Variants in ERICH3 observed in about 807,000 individuals in gnomAD.
ERICH3 encodes the protein glutamate rich 3.
ERICH3 carries 126 observed loss-of-function variants against 131.1 expected under a neutral mutation model. The ratio of observed to expected loss-of-function variants is 0.96; its 90% CI spans 0.83 to 1.11. ERICH3 has a LOEUF of 1.11. ERICH3 is among the 50% of genes most tolerant of loss of function. The pLI is 0.00. For missense variants in ERICH3, 2,050 were observed against 1,810.7 expected (o/e 1.13, Z -2.40); for synonymous variants, 695 against 644.6 (o/e 1.08, Z -1.18).
chr1:74,594,376 C>T (rs1647750736), intron 11 of ERICH3, among the ~76,000 whole-genome samples: 1 of 151,652 alleles, frequency 6.6e-6, no homozygotes, highest in Non-Finnish European at 1.5e-5. Context: ...TGACCAAGGG[C>T]ACCAGCCACA....
chr1:74,609,005 AAGTG>A (rs1405017193), intron 9 of ERICH3, among the ~76,000 whole-genome samples: 1 of 152,030 alleles, frequency 6.6e-6, no homozygotes, highest in Non-Finnish European at 1.5e-5. Context: ...TGGACAAACA[AAGTG>A]AGTAACATCT....
chr1:74,613,010 T>G (rs1236743666), intron 8 of ERICH3, among the ~76,000 whole-genome samples: 1 of 151,954 alleles, frequency 6.6e-6, no homozygotes, highest in Non-Finnish European at 1.5e-5. Flanking sequence ...CAATAACTGA[T>G]GAGCTAAAAA....
chr1:74,650,833 AC>A (rs1257665863), intron 1 of ERICH3, among the ~76,000 whole-genome samples: 2 of 105,740 alleles, frequency 1.9e-5, no homozygotes, highest in African/African-American at 4.5e-5. Flanking sequence ...AGAGGGGACT[AC>A]TGTGTGTGTG....
chr1:74,634,937 T>G, intron 6 of ERICH3: 1 of 386,366 alleles, frequency 2.6e-6, no homozygotes. Flanking sequence ...AACTTTCTCA[T>G]TGTGATTTGG....
intron 12 of ERICH3, chr1:74,586,281 C>T (rs770926998): frequency 1.6e-6 from 1 of 621,954 alleles, no homozygotes; most frequent in Non-Finnish European, 2.0e-6. Context: ...AGTCTCAGAA[C>T]AAAATGTATA....
chr1:74,648,425 A>C (rs1004457508), intron 2 of ERICH3, among the ~76,000 whole-genome samples: 1 of 152,160 alleles, frequency 6.6e-6, no homozygotes, highest in Non-Finnish European at 1.5e-5. Context: ...TCAAGATTCT[A>C]TGGCTTATAA....
intron 12 of ERICH3, among the ~76,000 whole-genome samples, chr1:74,587,370 C>T (rs971543608): frequency 6.6e-6 from 1 of 150,956 alleles, no homozygotes; most frequent in Non-Finnish European, 1.5e-5. Context: ...GATAAACAGT[C>T]CCAAACCTTG....
chr1:74,612,593 C>T (rs372387836), intron 9 of ERICH3, 30 bp downstream of exon 9: 3 of 1,493,830 alleles, frequency 2.0e-6, no homozygotes, highest in Non-Finnish European at 2.7e-6. Context: ...GCAAAACTTG[C>T]CCTCTACCAA....
chr1:74,569,227 T>G lies in ERICH3; in HGVS notation c.*1231A>C, dbSNP rs997081264. On this transcript the variant is annotated 3_prime_UTR_variant, in exon 15 of 15. Coordinates refer to ENST00000326665, the MANE Select transcript of ERICH3 (RefSeq NM_001002912.5). ...ATGTGTAGATCCATCTAAAACGAATTAAGTCTGAATCTCTGGGGTGGGGAA... is the reference window on the plus strand; with the variant it reads ...ATGTGTAGATCCATCTAAAACGAATGAAGTCTGAATCTCTGGGGTGGGGAA... 1 of 114,216 alleles carries G rather than the reference T, an allele frequency of 8.8e-6. No individual in the cohort carries two copies. Among genetic ancestry groups the G allele is most frequent in the African/African-American group, 3.4e-5 (1 of 29,674 alleles). 7.1% of individuals were successfully genotyped at this position (114,216 alleles called of 1,614,324 possible). A position where few individuals can be genotyped will look rare whatever the true frequency, so the allele number is the denominator to read the frequency against.
intron 6 of ERICH3, among the ~76,000 whole-genome samples, chr1:74,633,091 AT>A (rs1417953866): frequency 5.3e-5 from 8 of 151,706 alleles, no homozygotes; most frequent in African/African-American, 1.9e-4. Flanking sequence ...TAAATTTCTA[AT>A]TAATTTTTGA....
At position 74,590,012 on chromosome 1, in the gene ERICH3, C is replaced by A. The variant is rs747052542; in HGVS notation, c.1795G>T (p.Ala599Ser). ...GTGTGGGCTTCCCTGTCCCCCACTG[C>A]AGATTCATCCTCACTGTCACTAGAA... ...PYSSDSEDES[A>S]VGDREAHTDS... Residue 599 changes from alanine to serine, a missense_variant, in exon 12 of 15, where the codon GCA becomes TCA. By Grantham distance (99) the Ala-to-Ser change is moderately conservative. Coordinates refer to ENST00000326665, the MANE Select transcript of ERICH3 (RefSeq NM_001002912.5). 6.2e-7 allele frequency: 1 copy of A among 1,613,848 alleles called. No individual in the cohort carries two copies. Among genetic ancestry groups the A allele is most frequent in the South Asian group, 1.1e-5 (1 of 91,076 alleles).
intron 1 of ERICH3, among the ~76,000 whole-genome samples, chr1:74,665,918 G>T (rs1646687754): frequency 6.6e-6 from 1 of 152,086 alleles, no homozygotes; most frequent in Admixed American, 6.6e-5. Flanking sequence ...AACCAGAAAG[G>T]TGACCAACCT....
rs542634174 is a variant in ERICH3, at chr1:74,569,568, G to A, written c.*890C>T. 1 of 152,258 alleles carries A rather than the reference G, an allele frequency of 6.6e-6. No individual in the cohort carries two copies. Among genetic ancestry groups the A allele is most frequent in the African/African-American group, 2.4e-5 (1 of 41,542 alleles). The allele number at this position is 152,258 out of a possible 1,614,324, so 9.4% of individuals were successfully genotyped here. On this transcript the variant is annotated 3_prime_UTR_variant, in exon 15 of 15. Transcript: ENST00000326665. Reference sequence around the variant, plus strand: ...TGAGCAGCACACTCATTTAATCCAAGTTTCTTTTCCATTTAATGACATCAA... The same window carrying A: ...TGAGCAGCACACTCATTTAATCCAAATTTCTTTTCCATTTAATGACATCAA...
chr1:74,654,607 G>C (rs965096978), intron 1 of ERICH3, among the ~76,000 whole-genome samples: 3 of 152,076 alleles, frequency 2.0e-5, no homozygotes, highest in Non-Finnish European at 4.4e-5. Flanking sequence ...AACAGAGAGA[G>C]AAGCAAGCTC....
At position 74,627,846 on chromosome 1, in the gene ERICH3, A is replaced by G. The variant is rs555888040; in HGVS notation, c.819+3867T>C. 7.0e-4 allele frequency among the ~76,000 whole-genome samples: 107 copies of G among 152,294 alleles called. No individual in the cohort carries two copies. The Middle Eastern group carries it at 0.014, about 19-fold the overall frequency. On this transcript the variant is annotated intron_variant, in intron 7 of 14. Transcript: ENST00000326665. Reference sequence around the variant, plus strand: ...GAAAAATGTATGTTATGAATGCATAAAATATATGTAGATGCTAGTCTGTTT... The same window carrying G: ...GAAAAATGTATGTTATGAATGCATAGAATATATGTAGATGCTAGTCTGTTT...
At chr1:74,600,968 C>G (rs917118443) in intron 10 of ERICH3, among the ~76,000 whole-genome samples, 1 of 151,554 alleles carries the variant, frequency 6.6e-6, no homozygotes, top group South Asian at 2.1e-4. Context: ...GAAACTTAAT[C>G]TAGAAATGTA....
chr1:74,577,509 GGT>G (rs1557663724), intron 12 of ERICH3: 1 of 152,058 alleles, frequency 6.6e-6, no homozygotes, highest in African/African-American at 2.4e-5. Context: ...AATATCAAAA[GGT>G]ATAAAAACAG....
At chr1:74,669,669 G>A (rs1050016703) in intron 1 of ERICH3, among the ~76,000 whole-genome samples, 6 of 152,210 alleles carry the variant, frequency 3.9e-5, no homozygotes, top group African/African-American at 1.4e-4. Flanking sequence ...ATGCAGCTCA[G>A]ATTCAAAATC....
At chr1:74,669,246 C>G (rs996709853) in intron 1 of ERICH3, among the ~76,000 whole-genome samples, 5 of 152,096 alleles carry the variant, frequency 3.3e-5, no homozygotes, top group African/African-American at 9.7e-5. Context: ...AACTAATAAG[C>G]CTAAACTAAC....
Sources: gnomAD v4.1 joint callset for allele counts (sites outside exome capture counted in the v4.1 genomes callset) on GRCh38, gnomAD v4.1.1 for gene constraint, MANE v1.5 for transcripts, NCBI Gene and HGNC (gene_info 2026-07-23, HGNC 2026-07-21) for gene names.